The following CTR9 variants were observed in gnomAD, a reference collection of about 807,000 sequenced individuals.
The protein encoded by CTR9 is CTR9 component of Paf1/RNA polymerase II complex.
CTR9 carries 41 observed loss-of-function variants against 152.1 expected under a neutral mutation model. The ratio of observed to expected loss-of-function variants is 0.27; its 90% confidence interval spans 0.21 to 0.35. The LOEUF is 0.35. CTR9 is among the 10% of genes least tolerant of loss of function. The pLI, the probability that CTR9 is intolerant of heterozygous loss-of-function variation, is 1.00. For missense variants in CTR9, 917 were observed against 1,424.4 expected (o/e 0.64, Z 5.73); for synonymous variants, 476 against 496.2 (o/e 0.96, Z 0.54).
intron 6 of CTR9, 26 bp downstream of exon 6, chr11:10,760,347 C>T (rs1260248837): frequency 1.9e-6 from 3 of 1,599,590 alleles, no homozygotes; most frequent in African/African-American, 1.3e-5. Context: ...AAGTATCTAG[C>T]TCCTAACTGC....
At chr11:10,771,514 TAAAAGTGAA>T in intron 18 of CTR9, 22 bp from the exon 19 acceptor site, 1 of 1,437,082 alleles carries the variant, frequency 7.0e-7, no homozygotes, top group Admixed American at 1.7e-5. Context: ...TCTCTTTTTT[TAAAAGTGAA>T]GTATTTTCTC....
In CTR9 at chr11:10,779,131, C is replaced by T; in HGVS notation, c.*26C>T. On this transcript the variant is annotated 3_prime_UTR_variant, in exon 25 of 25. Transcript: ENST00000361367. Reference sequence around the variant, plus strand: ...GTTTTATTTCATCAATAAGCTTCATCTCTGGAGGAAACTTTTTTAATATAT... The same window carrying T: ...GTTTTATTTCATCAATAAGCTTCATTTCTGGAGGAAACTTTTTTAATATAT... 2.6e-6 allele frequency: 4 copies of T among 1,549,936 alleles called. No individual in the cohort carries two copies. Among genetic ancestry groups the T allele is most frequent in the Non-Finnish European group, 3.5e-6 (4 of 1,147,144 alleles).
chr11:10,768,198 T>C, intron 15 of CTR9, 37 bp downstream of exon 15: 1 of 1,589,954 alleles, frequency 6.3e-7, no homozygotes, highest in South Asian at 1.1e-5. Context: ...ACAATTTGTT[T>C]CAAATGAATA....
chr11:10,763,810 C>T lies in CTR9; in HGVS notation c.1125C>T (p.Tyr375=), dbSNP rs756358525. 81 of 1,613,826 alleles carry T rather than the reference C, an allele frequency of 5.0e-5. 1 individual carries two copies. Among genetic ancestry groups the T allele is most frequent in the Middle Eastern group, 1.7e-4 (1 of 6,060 alleles). Residue 375 remains tyrosine, a synonymous_variant, in exon 9 of 25, where the codon TAC becomes TAT. Coordinates refer to ENST00000361367, the MANE Select transcript of CTR9 (RefSeq NM_014633.5). ...EKVLKAYPNN[Y]ETMKILGSLY... is the part of the protein sequence containing the mutation. ...TTTTGAAAGCTTATCCTAATAATTA[C>T]GAAACTATGAAAATTCTCGGCTCTC...
rs189076738 is a variant in CTR9, at chr11:10,767,488, G to A, written c.1687-318G>A. The A allele has an allele frequency of 8.2e-4, 201 of 244,952 alleles. No individual in the cohort carries two copies. The highest frequency in any genetic ancestry group is 4.0e-5 in the Non-Finnish European group (5 of 124,902). 15.2% of individuals were successfully genotyped at this position (244,952 alleles called of 1,614,324 possible). A position where few individuals can be genotyped will look rare whatever the true frequency, so the allele number is the denominator to read the frequency against. Reference sequence around the variant, plus strand: ...GCTTTGTATGCATTTATGTCTGGATGTAAAGATTGTGTGTCTATCCAACAG... The same window carrying A: ...GCTTTGTATGCATTTATGTCTGGATATAAAGATTGTGTGTCTATCCAACAG... On this transcript the variant is annotated intron_variant, in intron 13 of 24. Transcript: ENST00000361367. The surrounding 1 kb of genome is among the most constrained non-coding windows in gnomAD (Gnocchi z 4.0).
chr11:10,765,071 A>G (rs1863038683), intron 12 of CTR9, among the ~76,000 whole-genome samples: 1 of 152,212 alleles, frequency 6.6e-6, no homozygotes, highest in Non-Finnish European at 1.5e-5. Flanking sequence ...ACATTCTTAC[A>G]ATGTTTATAA....
intron 24 of CTR9, 49 bp from the exon 25 acceptor site, chr11:10,778,630 C>T: frequency 1.3e-6 from 2 of 1,556,418 alleles, no homozygotes; most frequent in Non-Finnish European, 1.7e-6. Context: ...TCATCAAGGC[C>T]CCAGTTAGCC....
intron 20 of CTR9, 152 bp from the exon 21 acceptor site, chr11:10,772,975 C>A: frequency 3.4e-6 from 3 of 870,810 alleles, no homozygotes; most frequent in Non-Finnish European, 5.2e-6. Flanking sequence ...TGTAGTGAGC[C>A]GAGATTGCAC....
At chr11:10,761,174 C>T (rs976471078) in intron 6 of CTR9, among the ~76,000 whole-genome samples, 1 of 152,286 alleles carries the variant, frequency 6.6e-6, no homozygotes, top group Non-Finnish European at 1.5e-5. Context: ...ATGCCGATAG[C>T]GTTCCTCCAA....
intron 12 of CTR9, among the ~76,000 whole-genome samples, chr11:10,766,118 G>A (rs1863055589): frequency 6.6e-6 from 1 of 152,172 alleles, no homozygotes; most frequent in Non-Finnish European, 1.5e-5. Context: ...CCGGTTCCAA[G>A]CTTTTAAAAT....
At chr11:10,771,047 A>G (rs1441356755) in intron 18 of CTR9, among the ~76,000 whole-genome samples, 1 of 152,226 alleles carries the variant, frequency 6.6e-6, no homozygotes, top group African/African-American at 2.4e-5. Flanking sequence ...TTTTCATTGA[A>G]CTAGGATTAA....
In CTR9 at chr11:10,774,256, G is replaced by T. The variant is rs7103774; in HGVS notation, c.2885+87G>T. The stretch of plus-strand genomic sequence containing the variant: ...TCTGAATCTTTTGATGTTTAGAATT[G>T]ATGAACACTTGATCCAAACAGTGAA... On this transcript the variant is annotated intron_variant, in intron 22 of 24. Transcript: ENST00000361367. The T allele has an allele frequency of 0.99, 1,463,720 of 1,478,420 alleles. 725,770 individuals are homozygous for T. The highest frequency in any genetic ancestry group is 1 in the East Asian group (42,717 of 42,718). 91.6% of individuals were successfully genotyped at this position (1,478,420 alleles called of 1,614,324 possible).
In CTR9 at chr11:10,764,538, T is replaced by C; in HGVS notation, c.1414-10T>C. 1 of 1,603,642 alleles carries C rather than the reference T, an allele frequency of 6.2e-7. No homozygotes were observed. The highest frequency in any genetic ancestry group is 8.5e-7 in the Non-Finnish European group (1 of 1,172,508). On this transcript the variant is annotated splice_polypyrimidine_tract_variant and intron_variant, in intron 11 of 24. Transcript: ENST00000361367. Reference sequence around the variant, plus strand: ...AAATCTTTTAACAGTGTGATTTTTCTTTCTCATAGAAATATTTTTTGGCGT... The same window carrying C: ...AAATCTTTTAACAGTGTGATTTTTCCTTCTCATAGAAATATTTTTTGGCGT...
chr11:10,779,295 G>T lies in CTR9; in HGVS notation c.*190G>T. 1 of 577,786 alleles carries T rather than the reference G, an allele frequency of 1.7e-6. No individual in the cohort carries two copies. The highest frequency in any genetic ancestry group is 3.0e-6 in the Non-Finnish European group (1 of 331,372). The allele number at this position is 577,786 out of a possible 1,614,324, so 35.8% of individuals were successfully genotyped here. ...CTAGAGTCCAATATTTGAGTCTCTC[G>T]TGCAAATGAGACTATTCTTTGTGGT... On this transcript the variant is annotated 3_prime_UTR_variant, in exon 25 of 25. Coordinates refer to ENST00000361367, the MANE Select transcript of CTR9 (RefSeq NM_014633.5).
At chr11:10,776,144 A>G (rs531610241) in intron 24 of CTR9, among the ~76,000 whole-genome samples, 38 of 152,036 alleles carry the variant, frequency 2.5e-4, no homozygotes, top group African/African-American at 8.4e-4. Flanking sequence ...CTGGAGTGCA[A>G]TGGCAATCTT....
chr11:10,775,257 C>G lies in CTR9; in HGVS notation c.2936C>G (p.Pro979Arg). The G allele has an allele frequency of 6.2e-7, 1 of 1,613,648 alleles. No homozygotes were observed. Among genetic ancestry groups the G allele is most frequent in the Non-Finnish European group, 8.5e-7 (1 of 1,179,870 alleles). The change falls in exon 23 of 25, where the codon CCC (proline) becomes CGC (arginine). Residue 979 changes from proline (P) to arginine (R), a missense_variant. Coordinates refer to ENST00000361367, the MANE Select transcript of CTR9 (RefSeq NM_014633.5). ...GSDDDETENGPKPKKRRPPKA... is the reference protein window; with the variant it reads ...GSDDDETENGRKPKKRRPPKA... ...GATGATGATGAAACAGAAAATGGCC[C>G]CAAACCAAAAAAACGACGTCCACCA...
chr11:10,772,981 T>A, intron 20 of CTR9, 146 bp from the exon 21 acceptor site: 1 of 907,186 alleles, frequency 1.1e-6, no homozygotes, highest in South Asian at 1.8e-5. Context: ...GAGCCGAGAT[T>A]GCACCACTGT....
intron 2 of CTR9, among the ~76,000 whole-genome samples, chr11:10,753,641 C>T (rs1694459563): frequency 6.7e-6 from 1 of 150,310 alleles, no homozygotes; most frequent in Admixed American, 6.6e-5. Context: ...CCTTGTCACA[C>T]ACATTTTTTT....
chr11:10,775,160 T>C, intron 22 of CTR9, 47 bp from the exon 23 acceptor site: 3 of 1,474,404 alleles, frequency 2.0e-6, no homozygotes, highest in Non-Finnish European at 2.8e-6. Context: ...TCTGGAACTT[T>C]ATAGGTAGGC....
Sources: gnomAD v4.1 joint callset for allele counts (sites outside exome capture counted in the v4.1 genomes callset) on GRCh38, gnomAD v4.1.1 for gene constraint, Gnocchi (gnomAD v3.1) non-coding constraint, MANE v1.5 for transcripts, NCBI Gene and HGNC (gene_info 2026-07-23, HGNC 2026-07-21) for gene names.